The following RYR2 variants were observed in gnomAD, a reference collection of about 807,000 sequenced individuals.
RYR2 encodes the protein cardiac muscle ryanodine receptor-calcium release channel.
A neutral mutation model predicts 601.1 loss-of-function variants in RYR2; 227 were observed. The observed-to-expected ratio is 0.38, with a 90% confidence interval of 0.34 to 0.42. The LOEUF is 0.42. RYR2 is among the 10% of genes least tolerant of loss of function. RYR2 has a pLI of 1.00. For missense variants in RYR2, 4,646 were observed against 6,156.5 expected (o/e 0.75, Z 8.21); for synonymous variants, 2,223 against 2,175.1 (o/e 1.02, Z -0.61).
intron 1 of RYR2, among the ~76,000 whole-genome samples, chr1:237,177,308 T>C (rs986025312): frequency 4.6e-5 from 7 of 152,200 alleles, no homozygotes; most frequent in Non-Finnish European, 1.5e-5. Flanking sequence ...ACATTACAGA[T>C]ATGTAAATTA....
chr1:237,101,440 A>G (rs76348485), intron 1 of RYR2, among the ~76,000 whole-genome samples: 3,564 of 151,352 alleles, frequency 0.024, 77 homozygotes, highest in East Asian at 0.12. Context: ...CTTCATCTGT[A>G]TTTATTTCTA....
intron 24 of RYR2, among the ~76,000 whole-genome samples, chr1:237,516,930 C>T (rs573752800): frequency 2.0e-5 from 3 of 152,152 alleles, no homozygotes; most frequent in Non-Finnish European, 4.4e-5. Flanking sequence ...TCCCACTTGC[C>T]GTCTTTATTC....
At chr1:237,788,203 A>G (rs1350477526) in intron 92 of RYR2, 68 bp downstream of exon 92, 2 of 1,323,298 alleles carry the variant, frequency 1.5e-6, no homozygotes, top group Non-Finnish European at 2.1e-6. Flanking sequence ...GGCTCAGTAA[A>G]TGTTTGCTGA....
At chr1:237,713,205 C>G (rs1270339994) in intron 71 of RYR2, among the ~76,000 whole-genome samples, 1 of 152,028 alleles carries the variant, frequency 6.6e-6, no homozygotes, top group Admixed American at 6.6e-5. Context: ...CAGTGATTCT[C>G]AAAGATACTC....
chr1:237,469,771 T>C (rs1660503880), intron 17 of RYR2, among the ~76,000 whole-genome samples: 1 of 152,208 alleles, frequency 6.6e-6, no homozygotes, highest in South Asian at 2.1e-4. Flanking sequence ...TAGAGTGTAA[T>C]ATTTTATTTA....
At position 237,832,626 on chromosome 1, in the gene RYR2, G is replaced by T. The variant is rs781602390; in HGVS notation, c.14883G>T (p.Gln4961His). ...FFPAGDCFRK[Q>H]YEDQLN The stretch of plus-strand genomic sequence containing the variant: ...CAGCAGGGGATTGCTTCCGGAAACA[G>T]TATGAAGACCAGCTAAATTAAACTC... The change falls in exon 105 of 105, where the codon CAG (glutamine) becomes CAT (histidine). Residue 4961 changes from glutamine to histidine, a missense_variant. Transcript: ENST00000366574. 1 of 1,610,740 alleles carries T rather than the reference G, an allele frequency of 6.2e-7. No homozygotes were observed. Among genetic ancestry groups the T allele is most frequent in the Non-Finnish European group, 8.5e-7 (1 of 1,177,536 alleles).
intron 1 of RYR2, among the ~76,000 whole-genome samples, chr1:237,114,785 A>G (rs1669877092): frequency 6.6e-6 from 1 of 152,204 alleles, no homozygotes; most frequent in Admixed American, 6.5e-5. Context: ...GACCTTGGGC[A>G]AGTTACTCAA....
At chr1:237,773,292 TTTC>T (rs1235302389) in intron 86 of RYR2, among the ~76,000 whole-genome samples, 4 of 152,176 alleles carry the variant, frequency 2.6e-5, no homozygotes, top group Admixed American at 1.3e-4. Flanking sequence ...AAAGCTAAGT[TTTC>T]TTCTTCTTGT....
intron 52 of RYR2, among the ~76,000 whole-genome samples, chr1:237,655,522 T>C (rs1199189945): frequency 6.6e-6 from 1 of 152,236 alleles, no homozygotes. Flanking sequence ...ATTATGTTTA[T>C]CTCTTAACAA....
chr1:237,546,399 A>G (rs1669806473), intron 25 of RYR2, among the ~76,000 whole-genome samples: 1 of 152,084 alleles, frequency 6.6e-6, no homozygotes, highest in Admixed American at 6.6e-5. Flanking sequence ...TTTTTTTGAG[A>G]CAGAGTCTCG....
intron 41 of RYR2, 31 bp from the exon 42 acceptor site, chr1:237,631,396 C>A (rs2148683246): frequency 7.1e-7 from 1 of 1,399,974 alleles, no homozygotes; most frequent in Non-Finnish European, 1.0e-6. Flanking sequence ...TTGCTCTGAG[C>A]TTTACCCCAT....
intron 2 of RYR2, among the ~76,000 whole-genome samples, chr1:237,325,854 A>G (rs1157079736): frequency 6.6e-6 from 1 of 152,140 alleles, no homozygotes; most frequent in Non-Finnish European, 1.5e-5. Context: ...GTGTGATTTT[A>G]TGTGTGATTT....
chr1:237,436,886 A>G (rs1707438406), intron 12 of RYR2, among the ~76,000 whole-genome samples: 1 of 150,052 alleles, frequency 6.7e-6, no homozygotes, highest in African/African-American at 2.5e-5. Flanking sequence ...TAGTATGTAT[A>G]TATCACTTAG....
intron 71 of RYR2, among the ~76,000 whole-genome samples, chr1:237,714,989 C>G (rs2010708): frequency 9.6e-6 from 1 of 104,154 alleles, no homozygotes; most frequent in Non-Finnish European, 1.7e-5. Context: ...GAGACTCCAT[C>G]TCAAAAAAAA....
chr1:237,074,633 C>T (rs1264322903), intron 1 of RYR2, among the ~76,000 whole-genome samples: 1 of 152,182 alleles, frequency 6.6e-6, no homozygotes, highest in African/African-American at 2.4e-5. Flanking sequence ...AGTCAGTCAC[C>T]ACGGGTAGAA....
At chr1:237,372,636 G>A (rs1017116085) in intron 6 of RYR2, among the ~76,000 whole-genome samples, 1 of 152,174 alleles carries the variant, frequency 6.6e-6, no homozygotes, top group Non-Finnish European at 1.5e-5. Context: ...ACATTCTACA[G>A]CAATCAAAAC....
chr1:237,590,051 ATATCTT>A, intron 30 of RYR2, 50 bp downstream of exon 30: 1 of 1,515,958 alleles, frequency 6.6e-7, no homozygotes, highest in Non-Finnish European at 9.0e-7. Flanking sequence ...CAGGAAAAGA[ATATCTT>A]TATACAAAGG....
intron 25 of RYR2, among the ~76,000 whole-genome samples, chr1:237,538,128 G>A (rs370355045): frequency 6.4e-4 from 97 of 152,088 alleles, no homozygotes; most frequent in Non-Finnish European, 1.2e-3. Flanking sequence ...AGTGGCTTAC[G>A]CCTGTAATCC....
chr1:237,127,668 C>G (rs933313923), intron 1 of RYR2, among the ~76,000 whole-genome samples: 59 of 147,254 alleles, frequency 4.0e-4, no homozygotes, highest in African/African-American at 1.2e-3. Context: ...ACTTCTCAGA[C>G]GGGGCGGCCG....
Sources: allele counts gnomAD v4.1 joint callset (sites outside exome capture counted in the v4.1 genomes callset), GRCh38; gene constraint gnomAD v4.1.1; transcripts MANE v1.5; gene names NCBI Gene and HGNC (gene_info 2026-07-23, HGNC 2026-07-21).